CHEK1: variants seen among roughly 807,000 people sequenced by gnomAD.
CHEK1 encodes checkpoint kinase 1.
In CHEK1, 32 loss-of-function variants were observed where a neutral mutation model predicts 60.2. The ratio of observed to expected loss-of-function variants is 0.53; its 90% CI spans 0.40 to 0.71. CHEK1 has a LOEUF of 0.71. CHEK1 is among the 30% of genes least tolerant of loss of function. The probability of loss-of-function intolerance (pLI) is 0.00; values close to 1 mark genes in which losing one functional copy is unlikely to be tolerated. For synonymous variants in CHEK1, 179 were observed against 187.2 expected (o/e 0.96, Z 0.36); for missense variants, 399 against 564.6 (o/e 0.71, Z 2.97).
intron 8 of CHEK1, among the ~76,000 whole-genome samples, chr11:125,642,007 G>A (rs1228800133): frequency 2.0e-5 from 3 of 152,166 alleles, no homozygotes; most frequent in African/African-American, 4.8e-5. Context: ...CCTCAGTTCT[G>A]CTTTGCTCCC....
intron 8 of CHEK1, among the ~76,000 whole-genome samples, chr11:125,642,643 G>C (rs1421530615): frequency 6.6e-6 from 1 of 152,118 alleles, no homozygotes; most frequent in Non-Finnish European, 1.5e-5. Context: ...CTAAGAGAAA[G>C]GAAATAAATA....
rs1194466155 is a variant in CHEK1 at position 125,626,733 on chromosome 11, T to G, written c.-20-16T>G. 2 of 1,613,034 alleles carry G rather than the reference T, an allele frequency of 1.2e-6. No individual in the cohort carries two copies. The highest frequency in any genetic ancestry group is 1.7e-6 in the Non-Finnish European group (2 of 1,179,034). On this transcript the variant is annotated splice_polypyrimidine_tract_variant and intron_variant, in intron 1 of 12. Coordinates refer to ENST00000438015, the MANE Select transcript of CHEK1 (RefSeq NM_001114122.3). ...TCTTACACTCTACATCTTTTCTGGATTCCTGCCTTTTACAGCCGAGGTGCT... is the reference window on the plus strand; with the variant it reads ...TCTTACACTCTACATCTTTTCTGGAGTCCTGCCTTTTACAGCCGAGGTGCT...
intron 6 of CHEK1, among the ~76,000 whole-genome samples, chr11:125,634,627 T>C (rs994876219): frequency 6.6e-6 from 1 of 151,146 alleles, no homozygotes; most frequent in African/African-American, 2.4e-5. Context: ...AAAGATACAA[T>C]ATTGTCCGGG....
At chr11:125,635,261 A>T (rs1463220932) in intron 6 of CHEK1, among the ~76,000 whole-genome samples, 168 bp from the exon 7 acceptor site, 1 of 152,104 alleles carries the variant, frequency 6.6e-6, no homozygotes, top group Non-Finnish European at 1.5e-5. Flanking sequence ...GCCTATCCTG[A>T]TTCATCTATC....
intron 5 of CHEK1, among the ~76,000 whole-genome samples, chr11:125,630,770 A>G (rs923064966): frequency 1.3e-5 from 2 of 152,174 alleles, no homozygotes; most frequent in Admixed American, 6.5e-5. Flanking sequence ...ATGTATATCA[A>G]CCCACCTGGT....
In CHEK1 at chr11:125,656,292, A is replaced by G. The variant is rs530272683; in HGVS notation, c.*972A>G. 3 of 213,328 alleles carry G rather than the reference A, an allele frequency of 1.4e-5. No homozygotes were observed. Among genetic ancestry groups the G allele is most frequent in the African/African-American group, 6.8e-5 (3 of 44,398 alleles). 13.2% of individuals were successfully genotyped at this position (213,328 alleles called of 1,614,324 possible). A position where few individuals can be genotyped will look rare whatever the true frequency, so the allele number is the denominator to read the frequency against. ...CGTGAACCTGGAAGTTTGAGGCTGT[A>G]GTGAGCTATGATTGCACCAGTGCAC... On this transcript the variant is annotated 3_prime_UTR_variant, in exon 13 of 13. Transcript: ENST00000438015.
chr11:125,680,675 T>G, downstream of CHEK1: 1 of 1,503,500 alleles, frequency 6.7e-7, no homozygotes, highest in Non-Finnish European at 9.1e-7. Context: ...AGGCCTGAAA[T>G]GTCTTAAGGG....
rs111488185 is a variant in CHEK1 at position 125,630,595 on chromosome 11, G to A, written c.424+1135G>A. ...CAGAGTGCTGGGATTATAGGTGTGA[G>A]CCGCTGTACCCAGCCTATACATGCT... On this transcript the variant is annotated intron_variant, in intron 5 of 12. Coordinates refer to ENST00000438015, the MANE Select transcript of CHEK1 (RefSeq NM_001114122.3). Among the ~76,000 whole-genome samples the A allele has an allele frequency of 9.9e-4, 150 of 152,184 alleles. 1 individual carries two copies. The highest frequency in any genetic ancestry group is 3.5e-3 in the African/African-American group (146 of 41,526).
downstream of CHEK1, chr11:125,680,685 G>GAGAC: frequency 6.4e-7 from 1 of 1,565,226 alleles, no homozygotes; most frequent in Non-Finnish European, 8.8e-7. Context: ...TGTCTTAAGG[G>GAGAC]AGACCCCTTT....
chr11:125,673,209 TTTC>T (rs199982226), intron 13 of CHEK1, among the ~76,000 whole-genome samples: 7 of 98,522 alleles, frequency 7.1e-5, no homozygotes, highest in African/African-American at 2.0e-4. Flanking sequence ...TTTCTTTTCT[TTTC>T]TTTTTTTTTT....
At chr11:125,630,315 T>A (rs1270487153) in intron 5 of CHEK1, among the ~76,000 whole-genome samples, 1 of 91,910 alleles carries the variant, frequency 1.1e-5, no homozygotes, top group African/African-American at 3.3e-5. Flanking sequence ...AATGGTCAGC[T>A]TTTTTTTTTT....
downstream of CHEK1, chr11:125,677,904 C>G (rs113516137): frequency 1.2e-5 from 20 of 1,613,850 alleles, 1 homozygote; most frequent in African/African-American, 1.5e-4. Flanking sequence ...TTCACCGGAG[C>G]CATGTTCACC....
At chr11:125,633,693 C>G (rs1940953690) in intron 6 of CHEK1, among the ~76,000 whole-genome samples, 1 of 152,132 alleles carries the variant, frequency 6.6e-6, no homozygotes, top group African/African-American at 2.4e-5. Flanking sequence ...CTCAAGCAAG[C>G]CTTCTGTCTT....
chr11:125,640,468 G>A (rs1180378094), intron 8 of CHEK1, among the ~76,000 whole-genome samples: 1 of 151,622 alleles, frequency 6.6e-6, no homozygotes, highest in Non-Finnish European at 1.5e-5. Context: ...GTGAACCCCG[G>A]GGGGCGGAGC....
chr11:125,647,781 A>G (rs1054264224), intron 11 of CHEK1, among the ~76,000 whole-genome samples: 4 of 152,234 alleles, frequency 2.6e-5, no homozygotes, highest in Admixed American at 2.0e-4. Context: ...TGATACAGAT[A>G]GCCTGAAGGT....
intron 13 of CHEK1, among the ~76,000 whole-genome samples, chr11:125,663,525 A>G (rs1942052730): frequency 6.6e-6 from 1 of 151,676 alleles, no homozygotes; most frequent in Non-Finnish European, 1.5e-5. Context: ...ATTTTTATGT[A>G]TTTTTCCTTT....
chr11:125,630,928 C>T (rs1204266249), intron 5 of CHEK1, among the ~76,000 whole-genome samples: 1 of 144,316 alleles, frequency 6.9e-6, no homozygotes, highest in Non-Finnish European at 1.5e-5. Context: ...ACAAGCATGT[C>T]ACAAGCAGTG....
chr11:125,676,046 T>C (rs2134118282), exon 14 of CHEK1: 1 of 229,432 alleles, frequency 4.4e-6, no homozygotes, highest in East Asian at 9.4e-5. Context: ...TAGCTGGGAT[T>C]ACAGGTGCCC....
downstream of CHEK1, among the ~76,000 whole-genome samples, chr11:125,679,465 G>A (rs941508240): frequency 3.3e-5 from 5 of 152,044 alleles, no homozygotes; most frequent in African/African-American, 4.8e-5. Context: ...TGATCCGCCC[G>A]CCTCAGCCTC....
Sources: gnomAD v4.1 joint callset for allele counts (sites outside exome capture counted in the v4.1 genomes callset) on GRCh38, gnomAD v4.1.1 for gene constraint, MANE v1.5 for transcripts, NCBI Gene and HGNC (gene_info 2026-07-23, HGNC 2026-07-21) for gene names.